SPO11: variants seen among roughly 807,000 people sequenced by gnomAD.
The protein encoded by SPO11 is meiotic recombination protein SPO11.
SPO11 carries 49 observed loss-of-function variants against 51.6 expected under a neutral mutation model. The ratio of observed to expected loss-of-function variants is 0.95; its 90% CI spans 0.75 to 1.20. The LOEUF (loss-of-function observed/expected upper bound fraction) is 1.20. SPO11 is among the 50% of genes most tolerant of loss of function. The probability of loss-of-function intolerance (pLI) is 0.00; values close to 1 mark genes in which losing one functional copy is unlikely to be tolerated. For missense variants in SPO11, 431 were observed against 473.4 expected (o/e 0.91, Z 0.83); for synonymous variants, 176 against 158.2 (o/e 1.11, Z -0.84).
Position 57,335,833 on chromosome 20 carries a change from GA to G in SPO11, c.675del (p.Asp226MetfsTer8), listed in dbSNP as rs1568760216. On this transcript the variant is annotated frameshift_variant, in exon 8 of 13. Transcript: ENST00000371263. LOFTEE classifies it high-confidence loss of function. ...AGATGCAAAGTTTGTATTAATTGTA[GA>G]AAAAGATGCAACATTTCAGCGGCTC... ...VTDAKFVLIVEKDATFQRLLD... is the reference protein window; with the variant it reads ...VTDAKFVLIVXKDATFQRLLD... 2.5e-6 allele frequency: 4 copies of G among 1,612,572 alleles called. No individual in the cohort carries two copies. Among genetic ancestry groups the G allele is most frequent in the Non-Finnish European group, 3.4e-6 (4 of 1,179,246 alleles).
At chr20:57,335,524 G>C (rs1052718069) in intron 7 of SPO11, 69 bp downstream of exon 7, 109 of 1,488,756 alleles carry the variant, frequency 7.3e-5, no homozygotes, top group Non-Finnish European at 9.5e-5. Context: ...CCTTTGGTAA[G>C]CCAAGCCTTC....
chr20:57,329,809 G>A lies in SPO11; in HGVS notation c.-59G>A, dbSNP rs2066419061. 6 of 1,531,154 alleles carry A rather than the reference G, an allele frequency of 3.9e-6. No individual in the cohort carries two copies. Among genetic ancestry groups the A allele is most frequent in the South Asian group, 1.2e-5 (1 of 80,978 alleles). 94.8% of individuals were successfully genotyped at this position (1,531,154 alleles called of 1,614,324 possible). A position where few individuals can be genotyped will look rare whatever the true frequency, so the allele number is the denominator to read the frequency against. On this transcript the variant is annotated 5_prime_UTR_variant, in exon 1 of 13. Coordinates refer to ENST00000371263, the MANE Select transcript of SPO11 (RefSeq NM_012444.3). The stretch of plus-strand genomic sequence containing the variant: ...AAGCGCGGGAAAGGCACGCAGCCAC[G>A]CCCCAAGGGCGCAGCCTAGGACAGG...
intron 11 of SPO11, among the ~76,000 whole-genome samples, chr20:57,341,271 G>C (rs1307261588): frequency 6.6e-6 from 1 of 152,146 alleles, no homozygotes; most frequent in Non-Finnish European, 1.5e-5. Context: ...GCAGTCTCTT[G>C]TAACTAAATC....
At chr20:57,333,871 TTTC>T in intron 4 of SPO11, 113 bp from the exon 5 acceptor site, 1 of 909,768 alleles carries the variant, frequency 1.1e-6, no homozygotes, top group Non-Finnish European at 1.7e-6. Flanking sequence ...CATAATTTAC[TTTC>T]TTTATATGTT....
Position 57,334,090 on chromosome 20 carries a change from C to A in SPO11, c.505C>A (p.His169Asn). Residue 169 changes from histidine (H) to asparagine (N), a missense_variant, in exon 5 of 13, where the codon CAT becomes AAT. Transcript: ENST00000371263. ...GTTAAAAGTGTCAAGGAGGAGTCTA[C>A]ATATAGTAAGTAGTACCTAATACAA... ...CMLKVSRRSL[H>N]ILSTSKGLIA... 6.7e-7 allele frequency: 1 copy of A among 1,495,816 alleles called. No homozygotes were observed. Among genetic ancestry groups the A allele is most frequent in the Non-Finnish European group, 9.2e-7 (1 of 1,092,772 alleles). 92.7% of individuals were successfully genotyped at this position (1,495,816 alleles called of 1,614,324 possible).
chr20:57,335,324 A>C, intron 6 of SPO11, 95 bp from the exon 7 acceptor site: 1 of 999,830 alleles, frequency 1.0e-6, no homozygotes, highest in Non-Finnish European at 1.5e-6. Flanking sequence ...GATGACTGGT[A>C]TGGTCAAAGA....
rs1350553391 is a variant in SPO11, at chr20:57,338,486, C to T, written c.844+111C>T. 3 of 776,658 alleles carry T rather than the reference C, an allele frequency of 3.9e-6. No individual in the cohort carries two copies. The Admixed American group carries it at 8.5e-5, about 22-fold the overall frequency. The allele number at this position is 776,658 out of a possible 1,614,324, so 48.1% of individuals were successfully genotyped here. A position where few individuals can be genotyped will look rare whatever the true frequency, so the allele number is the denominator to read the frequency against. ...TTTTTGAGATTGAGTCCTGCTCTGT[C>T]ACCCAGGAGTGCAATGGCGCGATCT... On this transcript the variant is annotated intron_variant, in intron 9 of 12. Transcript: ENST00000371263.
Position 57,335,908 on chromosome 20 carries a change from G to A in SPO11, c.744+1G>A. 1 of 1,563,486 alleles carries A rather than the reference G, an allele frequency of 6.4e-7. No individual in the cohort carries two copies. The highest frequency in any genetic ancestry group is 8.8e-7 in the Non-Finnish European group (1 of 1,135,128). ...ATTGTCTCCTTGCATCATGATTACGGTATATTATCTAACTTTACTACAATT... is the reference window on the plus strand; with the variant it reads ...ATTGTCTCCTTGCATCATGATTACGATATATTATCTAACTTTACTACAATT... On this transcript the variant is annotated splice_donor_variant, in intron 8 of 12. Transcript: ENST00000371263. LOFTEE classifies it high-confidence loss of function.
At position 57,329,839 on chromosome 20, in the gene SPO11, T is replaced by G; in HGVS notation, c.-29T>G. On this transcript the variant is annotated 5_prime_UTR_variant, in exon 1 of 13. Transcript: ENST00000371263. ...AAGGGCGCAGCCTAGGACAGGGGCTTCTGGAGCTTCTGGCAGCCGTCTGCC... is the reference window on the plus strand; with the variant it reads ...AAGGGCGCAGCCTAGGACAGGGGCTGCTGGAGCTTCTGGCAGCCGTCTGCC... 6.2e-7 allele frequency: 1 copy of G among 1,601,334 alleles called. No individual in the cohort carries two copies. The highest frequency in any genetic ancestry group is 8.5e-7 in the Non-Finnish European group (1 of 1,172,506).
At chr20:57,341,805 A>G (rs1226966206) in intron 11 of SPO11, among the ~76,000 whole-genome samples, 1 of 152,234 alleles carries the variant, frequency 6.6e-6, no homozygotes, top group Non-Finnish European at 1.5e-5. Context: ...TAGTAAGGTG[A>G]ATAGCTTCAA....
At position 57,333,188 on chromosome 20, in the gene SPO11, GT is replaced by G; in HGVS notation, c.249del (p.Phe83LeufsTer31). The G allele has an allele frequency of 1.3e-6, 2 of 1,598,474 alleles. No homozygotes were observed. The highest frequency in any genetic ancestry group is 1.7e-6 in the Non-Finnish European group (2 of 1,175,308). ...TCCTTTGCTTTAAACAAAATGACAG[GT>G]TTGAAGATTCTGTGGGTCTTCAGAT... ...DNRSSWENIK[F>X]EDSVGLQMVS... On this transcript the variant is annotated frameshift_variant and splice_region_variant, in exon 3 of 13. Transcript: ENST00000371263. LOFTEE classifies it high-confidence loss of function.
chr20:57,339,109 C>G (rs1600686103), intron 10 of SPO11, 83 bp downstream of exon 10: 1 of 947,366 alleles, frequency 1.1e-6, no homozygotes, highest in Non-Finnish European at 1.5e-6. Flanking sequence ...TATTAATCAC[C>G]CCCAAGCAGG....
rs376365150 is a variant in SPO11, at chr20:57,339,765, G to T, written c.883-337G>T. 1.5e-3 allele frequency among the ~76,000 whole-genome samples: 221 copies of T among 152,290 alleles called. 1 individual carries two copies. The highest frequency in any genetic ancestry group is 9.3e-3 in the South Asian group (45 of 4,826). On this transcript the variant is annotated intron_variant, in intron 10 of 12. Transcript: ENST00000371263. Reference sequence around the variant, plus strand: ...TGTTTTGTTGCTGTTTTGAGACAGGGTCTCACTCTGTCATCCAGGCTGGAG... The same window carrying T: ...TGTTTTGTTGCTGTTTTGAGACAGGTTCTCACTCTGTCATCCAGGCTGGAG...
chr20:57,333,919 CACTGTAAT>C (rs2066479352), intron 4 of SPO11, 60 bp from the exon 5 acceptor site: 3 of 1,010,680 alleles, frequency 3.0e-6, no homozygotes, highest in Non-Finnish European at 4.2e-6. Context: ...CTTCAATTAA[CACTGTAAT>C]ACTTGTCATA....
At chr20:57,333,666 T>C (rs1279557752) in intron 3 of SPO11, 21 bp from the exon 4 acceptor site, 1 of 1,278,880 alleles carries the variant, frequency 7.8e-7, no homozygotes, top group East Asian at 2.3e-5. Flanking sequence ...AGTAACTTGT[T>C]TGTTGAATTT....
chr20:57,343,524 T>C lies in SPO11; in HGVS notation c.*64T>C. The C allele has an allele frequency of 1.4e-6, 2 of 1,480,040 alleles. No homozygotes were observed. Among genetic ancestry groups the C allele is most frequent in the Non-Finnish European group, 9.1e-7 (1 of 1,095,254 alleles). The allele number at this position is 1,480,040 out of a possible 1,614,324, so 91.7% of individuals were successfully genotyped here. The stretch of plus-strand genomic sequence containing the variant: ...CATTAGTTTTGTTTTGATTGGCAAA[T>C]ACTATTGTGGAAAGAACATATATTA... On this transcript the variant is annotated 3_prime_UTR_variant, in exon 13 of 13. Coordinates refer to ENST00000371263, the MANE Select transcript of SPO11 (RefSeq NM_012444.3).
rs746749994 is a variant in SPO11 at position 57,333,232 on chromosome 20, C to A, written c.290C>A (p.Thr97Asn). The change falls in exon 3 of 13, where the codon ACC becomes AAC. Residue 97 changes from threonine (T) to asparagine (N), a missense_variant. By Grantham distance (65) the Thr-to-Asn change is moderately conservative. This residue lies in a region of SPO11 where 405 missense variants were observed against 425.9 expected (regional missense o/e 0.95). Coordinates refer to ENST00000371263, the MANE Select transcript of SPO11 (RefSeq NM_012444.3). ...VGLQMVSHCT[T>N]RKIKSDSPKS... is the part of the protein sequence containing the mutation. The stretch of plus-strand genomic sequence containing the variant: ...CTTCAGATGGTATCCCATTGCACCA[C>A]CAGAAAGATCAAAAGTGATTCACCA... The A allele has an allele frequency of 1.2e-6, 2 of 1,610,006 alleles. No homozygotes were observed. The highest frequency in any genetic ancestry group is 2.2e-5 in the South Asian group (2 of 90,024).
intron 8 of SPO11, among the ~76,000 whole-genome samples, chr20:57,336,468 A>G (rs930030949): frequency 6.6e-6 from 1 of 152,044 alleles, no homozygotes; most frequent in Non-Finnish European, 1.5e-5. Flanking sequence ...CATCCCTGCC[A>G]CACCAGACTT....
chr20:57,343,678 C>G lies in SPO11; in HGVS notation c.*218C>G, dbSNP rs1178486492. ...TGCCTCTATAGAGACAGATTTCTGT[C>G]CTATCTTCTAAAGCAAATTATAAAA... On this transcript the variant is annotated 3_prime_UTR_variant, in exon 13 of 13. Transcript: ENST00000371263. 2 of 349,200 alleles carry G rather than the reference C, an allele frequency of 5.7e-6. No homozygotes were observed. The highest frequency in any genetic ancestry group is 9.7e-5 in the Admixed American group (2 of 20,712). 21.6% of individuals were successfully genotyped at this position (349,200 alleles called of 1,614,324 possible).
Sources: gnomAD v4.1 joint callset for allele counts (sites outside exome capture counted in the v4.1 genomes callset) on GRCh38, gnomAD v4.1.1 for gene constraint, gnomAD v4.1.1 regional missense constraint, MANE v1.5 for transcripts, NCBI Gene and HGNC (gene_info 2026-07-23, HGNC 2026-07-21) for gene names.